STXBP6: variants seen among roughly 807,000 people sequenced by gnomAD.
STXBP6 encodes syntaxin binding protein 6, also known as syntaxin-binding protein 6.
In STXBP6, 21 loss-of-function variants were observed where a neutral mutation model predicts 26.9. That is an observed-to-expected ratio of 0.78 (90% CI 0.55 to 1.12). The LOEUF is 1.12. STXBP6 is among the 50% of genes most tolerant of loss of function. The probability of loss-of-function intolerance (pLI) is 0.00; values close to 1 mark genes in which losing one functional copy is unlikely to be tolerated. For missense variants in STXBP6, 232 were observed against 257.9 expected (o/e 0.90, Z 0.69); for synonymous variants, 97 against 92.6 (o/e 1.05, Z -0.27).
chr14:24,991,151 AGAG>A (rs1004159336), intron 1 of STXBP6, among the ~76,000 whole-genome samples: 2 of 142,750 alleles, frequency 1.4e-5, no homozygotes, highest in African/African-American at 2.8e-5. Flanking sequence ...AGGAAGAGAA[AGAG>A]GAGGAGAAGA....
intron 1 of STXBP6, among the ~76,000 whole-genome samples, chr14:24,979,276 C>T (rs2074125848): frequency 6.6e-6 from 1 of 152,186 alleles, no homozygotes; most frequent in South Asian, 2.1e-4. Context: ...ATTATACTTC[C>T]TATTGTAAAT....
At chr14:24,913,856 T>C (rs979120037) in intron 2 of STXBP6, among the ~76,000 whole-genome samples, 2 of 152,140 alleles carry the variant, frequency 1.3e-5, no homozygotes, top group African/African-American at 4.8e-5. Flanking sequence ...GGGGAAATAT[T>C]GTCTCTTCTC....
chr14:24,886,763 T>C (rs1345723850), intron 2 of STXBP6, among the ~76,000 whole-genome samples: 1 of 152,222 alleles, frequency 6.6e-6, no homozygotes, highest in Non-Finnish European at 1.5e-5. Flanking sequence ...GCATTTTAGC[T>C]ACCTTAGAAT....
chr14:24,932,420 C>T (rs1299274644), intron 2 of STXBP6, among the ~76,000 whole-genome samples: 1 of 152,024 alleles, frequency 6.6e-6, no homozygotes, highest in Non-Finnish European at 1.5e-5. Flanking sequence ...ATTCAGGGAG[C>T]TGAAATGAAA....
intron 2 of STXBP6, among the ~76,000 whole-genome samples, chr14:24,874,783 G>GTCCCAGCA (rs766364375): frequency 6.6e-6 from 1 of 152,066 alleles, no homozygotes; most frequent in Non-Finnish European, 1.5e-5. Context: ...CTTTGCAGGG[G>GTCCCAGCA]TCCCAGCACT....
At chr14:24,937,902 T>C (rs2072660738) in intron 2 of STXBP6, among the ~76,000 whole-genome samples, 1 of 152,250 alleles carries the variant, frequency 6.6e-6, no homozygotes, top group African/African-American at 2.4e-5. Context: ...CCCAGTATTC[T>C]GGGTTTTATG....
intron 1 of STXBP6, among the ~76,000 whole-genome samples, chr14:25,039,065 C>G (rs553815731): frequency 1.3e-4 from 20 of 152,218 alleles, no homozygotes; most frequent in Non-Finnish European, 2.2e-4. Context: ...CATATGTTAA[C>G]TAGCTTGATT....
Position 24,868,110 on chromosome 14 carries a change from G to A in STXBP6, c.155-10953C>T, listed in dbSNP as rs141708908. 6.0e-3 allele frequency among the ~76,000 whole-genome samples: 908 copies of A among 152,096 alleles called. 23 individuals carry two copies. The East Asian group carries it at 0.072, about 12-fold the overall frequency. On this transcript the variant is annotated intron_variant, in intron 2 of 5. Transcript: ENST00000323944. ...GCTACTCAGGAGGCTGAGGTGGGAG[G>A]ATTGCCTGAGCCGGGGAGGCAGAAG...
chr14:24,847,384 C>G (rs941056124), intron 4 of STXBP6, among the ~76,000 whole-genome samples: 1 of 152,012 alleles, frequency 6.6e-6, no homozygotes, highest in Non-Finnish European at 1.5e-5. Context: ...AAGAACAGCC[C>G]CTTTAGTCTC....
chr14:24,961,889 C>T (rs895545483), intron 2 of STXBP6, among the ~76,000 whole-genome samples: 1 of 152,150 alleles, frequency 6.6e-6, no homozygotes, highest in Non-Finnish European at 1.5e-5. Context: ...AAATGTGAAT[C>T]ATTAATTAAA....
At chr14:24,978,164 T>C (rs532658965) in intron 1 of STXBP6, among the ~76,000 whole-genome samples, 4 of 152,376 alleles carry the variant, frequency 2.6e-5, no homozygotes, top group East Asian at 1.9e-4. Context: ...CCAAATCTGA[T>C]TGTATGTCTG....
intron 2 of STXBP6, among the ~76,000 whole-genome samples, chr14:24,934,216 A>C (rs1424323925): frequency 6.6e-6 from 1 of 152,202 alleles, no homozygotes; most frequent in African/African-American, 2.4e-5. Context: ...TATACAGGTT[A>C]ATATAAAGAC....
intron 1 of STXBP6, among the ~76,000 whole-genome samples, chr14:25,003,915 C>T (rs2074827867): frequency 1.3e-5 from 2 of 152,312 alleles, no homozygotes; most frequent in South Asian, 4.2e-4. Context: ...AGCAGCTCTC[C>T]CAGTTTAAGA....
At chr14:25,042,243 T>G (rs147202262) in intron 1 of STXBP6, among the ~76,000 whole-genome samples, 278 of 152,262 alleles carry the variant, frequency 1.8e-3, no homozygotes, top group South Asian at 8.7e-3. Flanking sequence ...TGTAGAGTAA[T>G]AGCATATACT....
intron 4 of STXBP6, among the ~76,000 whole-genome samples, chr14:24,839,416 A>ATTTGGTTC (rs1187159729): frequency 6.6e-6 from 1 of 152,210 alleles, no homozygotes; most frequent in East Asian, 1.9e-4. Flanking sequence ...GCAAAAGAGA[A>ATTTGGTTC]TTTGGTTCAT....
chr14:24,885,581 T>C (rs1430925662), intron 2 of STXBP6, among the ~76,000 whole-genome samples: 1 of 152,218 alleles, frequency 6.6e-6, no homozygotes, highest in Non-Finnish European at 1.5e-5. Flanking sequence ...GGCACAGCTC[T>C]GGTTCTTCTA....
In STXBP6 at chr14:25,049,551, G is replaced by C. The variant is rs933489408; in HGVS notation, c.-33+327C>G. The C allele has an allele frequency of 2.3e-5, 23 of 985,388 alleles. No homozygotes were observed. The highest frequency in any genetic ancestry group is 2.7e-5 in the Non-Finnish European group (22 of 830,040). The allele number at this position is 985,388 out of a possible 1,614,324, so 61.0% of individuals were successfully genotyped here. A position where few individuals can be genotyped will look rare whatever the true frequency, so the allele number is the denominator to read the frequency against. On this transcript the variant is annotated intron_variant, in intron 1 of 5. Coordinates refer to ENST00000323944, the MANE Select transcript of STXBP6 (RefSeq NM_001394410.1). The surrounding 1 kb of genome is among the most constrained non-coding windows in gnomAD (Gnocchi z 5.6). The stretch of plus-strand genomic sequence containing the variant: ...ATCGCGGGGACGGTGCGGAAAAAAA[G>C]GCTCCATCCTCAACTTTCTCGGAGG...
At chr14:24,905,850 C>T (rs1245269136) in intron 2 of STXBP6, among the ~76,000 whole-genome samples, 1 of 152,176 alleles carries the variant, frequency 6.6e-6, no homozygotes, top group Non-Finnish European at 1.5e-5. Flanking sequence ...CCCTTCCACA[C>T]CTGTGCACCT....
chr14:25,029,619 G>A (rs1404463201), intron 1 of STXBP6, among the ~76,000 whole-genome samples: 1 of 152,056 alleles, frequency 6.6e-6, no homozygotes, highest in East Asian at 1.9e-4. Context: ...GCATATAAAT[G>A]TATTATTTTA....
Sources: allele counts gnomAD v4.1 joint callset (sites outside exome capture counted in the v4.1 genomes callset), GRCh38; gene constraint gnomAD v4.1.1; non-coding constraint Gnocchi (gnomAD v3.1); transcripts MANE v1.5; gene names NCBI Gene and HGNC (gene_info 2026-07-23, HGNC 2026-07-21).